The following EYS variants were observed in gnomAD, a reference collection of about 807,000 sequenced individuals.
EYS encodes the protein protein eyes shut homolog.
A neutral mutation model predicts 282.1 loss-of-function variants in EYS; 250 were observed. The observed-to-expected ratio is 0.89, with a 90% CI of 0.80 to 0.98. The LOEUF (loss-of-function observed/expected upper bound fraction) is 0.98. Ranked by LOEUF, EYS falls within the 50% of genes least tolerant of loss-of-function variation. EYS has a pLI of 0.00. For synonymous variants in EYS, 1,355 were observed against 1,282.9 expected, an observed-to-expected ratio of 1.06 and a Z score of -1.20; for missense variants, 4,016 against 3,709.0, an observed-to-expected ratio of 1.08 and a Z score of -2.15.
At chr6:65,663,349 G>A (rs1768072234) in intron 1 of EYS, among the ~76,000 whole-genome samples, 1 of 152,066 alleles carries the variant, frequency 6.6e-6, no homozygotes, top group Admixed American at 6.5e-5. Context: ...GCCATGAATT[G>A]GTATAGGACC....
At chr6:65,506,058 T>C (rs879196115) in intron 2 of EYS, among the ~76,000 whole-genome samples, 2 of 152,152 alleles carry the variant, frequency 1.3e-5, no homozygotes, top group Admixed American at 1.3e-4. Context: ...TGGCATAACG[T>C]TGCTAGGTGC....
At chr6:65,356,045 A>G (rs922422495) in intron 8 of EYS, among the ~76,000 whole-genome samples, 2 of 152,252 alleles carry the variant, frequency 1.3e-5, no homozygotes, top group African/African-American at 4.8e-5. Flanking sequence ...TAGATTCATT[A>G]TTCATGATAC....
chr6:65,306,309 T>G (rs1199725220), intron 11 of EYS, among the ~76,000 whole-genome samples: 1 of 152,170 alleles, frequency 6.6e-6, no homozygotes, highest in Non-Finnish European at 1.5e-5. Flanking sequence ...GCCACAGGAC[T>G]GCCCATTCAG....
chr6:64,396,789 A>G (rs1773394214), intron 28 of EYS, among the ~76,000 whole-genome samples: 1 of 151,990 alleles, frequency 6.6e-6, no homozygotes, highest in African/African-American at 2.4e-5. Flanking sequence ...CTATCTTTGT[A>G]CCAATATATC....
intron 26 of EYS, among the ~76,000 whole-genome samples, chr6:64,530,709 T>C (rs1013575271): frequency 1.3e-5 from 2 of 152,154 alleles, no homozygotes; most frequent in Admixed American, 6.6e-5. Context: ...AACTCTTTAT[T>C]GTTAAGCTTC....
chr6:64,724,532 T>C (rs79147560), intron 22 of EYS, among the ~76,000 whole-genome samples: 1 of 152,200 alleles, frequency 6.6e-6, no homozygotes, highest in East Asian at 1.9e-4. Flanking sequence ...TGCTCAAACA[T>C]CATAAAACAT....
intron 22 of EYS, among the ~76,000 whole-genome samples, chr6:64,732,028 G>A (rs777575991): frequency 6.6e-5 from 10 of 152,056 alleles, no homozygotes; most frequent in Admixed American, 1.3e-4. Context: ...GGATGAAGGT[G>A]GAAACCATCA....
intron 30 of EYS, among the ~76,000 whole-genome samples, chr6:64,260,135 G>C (rs915183842): frequency 1.1e-5 from 1 of 89,672 alleles, no homozygotes; most frequent in African/African-American, 4.0e-5. Context: ...ATGGGGCGGG[G>C]CAGGGGGTAT....
chr6:64,172,914 C>T (rs927668492), intron 31 of EYS, among the ~76,000 whole-genome samples: 2 of 152,166 alleles, frequency 1.3e-5, no homozygotes, highest in African/African-American at 4.8e-5. Flanking sequence ...TCCTCCTCCC[C>T]TTCTTCCTGC....
intron 33 of EYS, among the ~76,000 whole-genome samples, chr6:64,033,701 T>C (rs956075898): frequency 6.6e-6 from 1 of 152,036 alleles, no homozygotes; most frequent in African/African-American, 2.4e-5. Flanking sequence ...CAAAAACAAA[T>C]TTAAAATTAT....
At chr6:64,002,070 TCAG>T (rs1343531103) in intron 33 of EYS, among the ~76,000 whole-genome samples, 2 of 152,122 alleles carry the variant, frequency 1.3e-5, no homozygotes, top group African/African-American at 2.4e-5. Context: ...ACACACAGAA[TCAG>T]CTGATTGTCG....
intron 12 of EYS, among the ~76,000 whole-genome samples, chr6:65,177,474 T>A (rs1223224847): frequency 6.6e-6 from 1 of 151,908 alleles, no homozygotes; most frequent in Non-Finnish European, 1.5e-5. Context: ...AGTCTTTTAC[T>A]ATATTTCAGG....
intron 5 of EYS, among the ~76,000 whole-genome samples, chr6:65,439,565 A>G (rs982206366): frequency 6.6e-6 from 1 of 152,132 alleles, no homozygotes; most frequent in Non-Finnish European, 1.5e-5. Context: ...GGTCCTCCAC[A>G]TCCCTTGTAA....
chr6:63,814,571 CTG>C (rs1231257040), intron 36 of EYS, among the ~76,000 whole-genome samples: 6 of 152,142 alleles, frequency 3.9e-5, no homozygotes, highest in African/African-American at 1.2e-4. Flanking sequence ...GATAGAAAAA[CTG>C]TTGAAAATGC....
chr6:64,111,201 G>A (rs1426259882), intron 31 of EYS, among the ~76,000 whole-genome samples: 1 of 152,032 alleles, frequency 6.6e-6, no homozygotes, highest in Non-Finnish European at 1.5e-5. Context: ...ACTAGTTTAA[G>A]CTGAATAAAA....
At chr6:65,627,761 A>T (rs1174196440) in intron 2 of EYS, among the ~76,000 whole-genome samples, 1 of 152,100 alleles carries the variant, frequency 6.6e-6, no homozygotes, top group Admixed American at 6.5e-5. Context: ...TTTCTCACCG[A>T]GCCTTAGCTG....
intron 12 of EYS, among the ~76,000 whole-genome samples, chr6:65,213,051 A>G (rs1439537752): frequency 6.6e-6 from 1 of 151,888 alleles, no homozygotes; most frequent in African/African-American, 2.4e-5. Context: ...CCTTTGATGT[A>G]GAGGAATTAT....
intron 22 of EYS, among the ~76,000 whole-genome samples, chr6:64,691,810 C>T (rs990975398): frequency 2.0e-5 from 3 of 152,198 alleles, no homozygotes; most frequent in African/African-American, 7.2e-5. Flanking sequence ...CTCCATCCAT[C>T]TTGCTGCAAA....
Position 65,495,625 on chromosome 6 carries a change from CAT to C in EYS, c.-197-20_-197-19del, listed in dbSNP as rs1402652727. 3.3e-6 allele frequency: 2 copies of C among 598,766 alleles called. No individual in the cohort carries two copies. Among genetic ancestry groups the C allele is most frequent in the Non-Finnish European group, 5.9e-6 (2 of 340,862 alleles). The allele number at this position is 598,766 out of a possible 1,614,324, so 37.1% of individuals were successfully genotyped here. On this transcript the variant is annotated intron_variant, in intron 3 of 42. Transcript: ENST00000503581. Reference sequence around the variant, plus strand: ...AAATATTCCTTTAAACAGAAAAAAACATATATTGTTAGTGAAGTTTTCCCTAA... The same window carrying C: ...AAATATTCCTTTAAACAGAAAAAAACATATTGTTAGTGAAGTTTTCCCTAA...
Sources: gnomAD v4.1 joint callset for allele counts (sites outside exome capture counted in the v4.1 genomes callset) on GRCh38, gnomAD v4.1.1 for gene constraint, MANE v1.5 for transcripts, NCBI Gene and HGNC (gene_info 2026-07-23, HGNC 2026-07-21) for gene names.